The following SIAH3 variants were observed in gnomAD, a reference collection of about 807,000 sequenced individuals.
The protein encoded by SIAH3 is siah E3 ubiquitin protein ligase family member 3, also known as seven in absentia homolog 3.
SIAH3 carries 9 observed loss-of-function variants against 12.6 expected under a neutral mutation model. The ratio of observed to expected loss-of-function variants is 0.72; its 90% CI spans 0.43 to 1.25. The LOEUF (loss-of-function observed/expected upper bound fraction) is 1.25. Among genes scored for constraint, SIAH3 ranks in the 50% most tolerant of loss-of-function variants. The probability of loss-of-function intolerance (pLI) is 0.00; values close to 1 mark genes in which losing one functional copy is unlikely to be tolerated. For missense variants in SIAH3, 390 were observed against 365.4 expected, an observed-to-expected ratio of 1.07 and a Z score of -0.55; for synonymous variants, 154 against 151.1, an observed-to-expected ratio of 1.02 and a Z score of -0.14.
intron 1 of SIAH3, among the ~76,000 whole-genome samples, chr13:45,817,700 C>G (rs1343066084): frequency 6.6e-6 from 1 of 152,204 alleles, no homozygotes; most frequent in Non-Finnish European, 1.5e-5. Flanking sequence ...GGGATGCCAA[C>G]AGCCACCCAA....
intron 1 of SIAH3, among the ~76,000 whole-genome samples, chr13:45,828,362 C>T (rs551482291): frequency 1.3e-5 from 2 of 152,284 alleles, no homozygotes; most frequent in South Asian, 4.1e-4. Context: ...TTCTGATGAT[C>T]TTCACCCCAA....
At chr13:45,819,362 G>A (rs1361017418) in intron 1 of SIAH3, among the ~76,000 whole-genome samples, 1 of 152,198 alleles carries the variant, frequency 6.6e-6, no homozygotes, top group Non-Finnish European at 1.5e-5. Context: ...AGAACAGTGT[G>A]CACCCATTCA....
At chr13:45,826,858 C>T (rs991141328) in intron 1 of SIAH3, among the ~76,000 whole-genome samples, 1 of 152,046 alleles carries the variant, frequency 6.6e-6, no homozygotes, top group African/African-American at 2.4e-5. Flanking sequence ...TCTGGGGTGA[C>T]AAACATTTCC....
chr13:45,795,077 G>A (rs1056440997), intron 1 of SIAH3, among the ~76,000 whole-genome samples: 1 of 151,882 alleles, frequency 6.6e-6, no homozygotes, highest in African/African-American at 2.4e-5. Flanking sequence ...TGTTTAGAAT[G>A]AGAGCTCATC....
chr13:45,791,821 A>C (rs1473342004), intron 1 of SIAH3, among the ~76,000 whole-genome samples: 1 of 152,158 alleles, frequency 6.6e-6, no homozygotes, highest in East Asian at 1.9e-4. Context: ...TAACTCAGCA[A>C]ATCAGTCTGG....
At chr13:45,815,316 G>A (rs1253615271) in intron 1 of SIAH3, among the ~76,000 whole-genome samples, 1 of 151,752 alleles carries the variant, frequency 6.6e-6, no homozygotes, top group Non-Finnish European at 1.5e-5. Flanking sequence ...CCATAATGTG[G>A]GCCAGCCTCA....
chr13:45,846,238 C>G (rs954282279), intron 1 of SIAH3, among the ~76,000 whole-genome samples: 2 of 151,576 alleles, frequency 1.3e-5, no homozygotes, highest in African/African-American at 4.9e-5. Context: ...TACAGGTGCC[C>G]GCCACCATGC....
intron 1 of SIAH3, among the ~76,000 whole-genome samples, chr13:45,827,594 C>G (rs74071897): frequency 0.022 from 3,332 of 152,252 alleles, 124 homozygotes; most frequent in African/African-American, 0.076. Flanking sequence ...AGCAAAGGAA[C>G]CCTAGAGCTG....
intron 1 of SIAH3, among the ~76,000 whole-genome samples, chr13:45,828,787 T>C (rs1211622409): frequency 2.0e-5 from 3 of 152,178 alleles, no homozygotes; most frequent in South Asian, 2.1e-4. Context: ...TCCGGTCTCA[T>C]TGTCATGCCT....
rs1555257365 is a variant in SIAH3 at position 45,801,100 on chromosome 13, G to GGT, written c.136-17044_136-17043insAC. Among the ~76,000 whole-genome samples, 125 of 144,552 alleles carry GGT rather than the reference G, an allele frequency of 8.6e-4. 3 individuals carry two copies. Among genetic ancestry groups the GGT allele is most frequent in the African/African-American group, 2.8e-3 (102 of 36,196 alleles). 94.8% of individuals were successfully genotyped at this position (144,552 alleles called of 152,430 possible). A position where few individuals can be genotyped will look rare whatever the true frequency, so the allele number is the denominator to read the frequency against. On this transcript the variant is annotated intron_variant, in intron 1 of 1. Coordinates refer to ENST00000400405, the MANE Select transcript of SIAH3 (RefSeq NM_198849.3). ...CTGGGTGAAGTGATGGGTGGCGGGGGGGGGCATGGCTGTAGACGTTGCTAT... is the reference window on the plus strand; with the variant it reads ...CTGGGTGAAGTGATGGGTGGCGGGGGGTGGGGCATGGCTGTAGACGTTGCTAT...
intron 1 of SIAH3, among the ~76,000 whole-genome samples, chr13:45,812,134 A>T (rs1307074785): frequency 6.6e-6 from 1 of 152,256 alleles, no homozygotes; most frequent in Non-Finnish European, 1.5e-5. Flanking sequence ...AATTCTGCAG[A>T]AGAACTTCCA....
At chr13:45,850,530 G>A (rs1310139028) in intron 1 of SIAH3, among the ~76,000 whole-genome samples, 1 of 152,122 alleles carries the variant, frequency 6.6e-6, no homozygotes, top group African/African-American at 2.4e-5. Flanking sequence ...TTAGGAGAGA[G>A]GCAAGGTGCT....
At chr13:45,797,614 A>G (rs557928633) in intron 1 of SIAH3, among the ~76,000 whole-genome samples, 3 of 152,226 alleles carry the variant, frequency 2.0e-5, no homozygotes, top group Non-Finnish European at 2.9e-5. Flanking sequence ...GGTGCACACA[A>G]ATCACCTGGG....
At chr13:45,808,206 G>A (rs1472669411) in intron 1 of SIAH3, among the ~76,000 whole-genome samples, 1 of 152,186 alleles carries the variant, frequency 6.6e-6, no homozygotes, top group African/African-American at 2.4e-5. Flanking sequence ...AGAAAGTGAT[G>A]AAGAAAATGT....
intron 1 of SIAH3, among the ~76,000 whole-genome samples, chr13:45,815,857 G>A (rs938195093): frequency 7.2e-5 from 11 of 152,298 alleles, no homozygotes; most frequent in Non-Finnish European, 1.5e-4. Flanking sequence ...CCACACAGCC[G>A]ACAGAGGCCG....
intron 1 of SIAH3, among the ~76,000 whole-genome samples, chr13:45,820,149 T>C (rs1285932934): frequency 2.0e-5 from 3 of 152,226 alleles, no homozygotes; most frequent in Middle Eastern, 3.4e-3. Flanking sequence ...CTTAATACCA[T>C]CACATTGGCC....
intron 1 of SIAH3, among the ~76,000 whole-genome samples, chr13:45,814,024 G>T (rs553604169): frequency 6.6e-6 from 1 of 152,202 alleles, no homozygotes; most frequent in South Asian, 2.1e-4. Context: ...GGATCATGAG[G>T]CCAGGAGATT....
chr13:45,837,960 T>G (rs1950724673), intron 1 of SIAH3, among the ~76,000 whole-genome samples: 1 of 152,210 alleles, frequency 6.6e-6, no homozygotes, highest in Non-Finnish European at 1.5e-5. Flanking sequence ...GTTAAGCTCA[T>G]AAAATTAACC....
At chr13:45,802,560 T>C (rs570628307) in intron 1 of SIAH3, among the ~76,000 whole-genome samples, 1 of 152,170 alleles carries the variant, frequency 6.6e-6, no homozygotes, top group Admixed American at 6.5e-5. Flanking sequence ...TCCCAGACAC[T>C]AGGGAGCTAC....
Sources: gnomAD v4.1 joint callset for allele counts (sites outside exome capture counted in the v4.1 genomes callset) on GRCh38, gnomAD v4.1.1 for gene constraint, MANE v1.5 for transcripts, NCBI Gene and HGNC (gene_info 2026-07-23, HGNC 2026-07-21) for gene names.